PLEKHA1: variants seen among roughly 807,000 people sequenced by gnomAD.
PLEKHA1 encodes the protein pleckstrin homology domain containing A1.
Under a neutral mutation model 52.0 loss-of-function variants are expected in PLEKHA1, and 34 were observed. That is an observed-to-expected ratio of 0.65 (90% CI 0.50 to 0.87). The LOEUF (loss-of-function observed/expected upper bound fraction) is 0.87, where lower values mean the gene tolerates loss of function less well. Among genes scored for constraint, PLEKHA1 ranks in the 40% least tolerant of loss-of-function variants. The pLI is 0.00. For synonymous variants in PLEKHA1, 163 were observed against 170.7 expected (o/e 0.95, Z 0.35); for missense variants, 497 against 504.2 (o/e 0.99, Z 0.14).
intron 1 of PLEKHA1, among the ~76,000 whole-genome samples, chr10:122,382,788 C>A (rs2096632720): frequency 6.6e-6 from 1 of 152,016 alleles, no homozygotes; most frequent in Admixed American, 6.5e-5. Flanking sequence ...TAAATGTTTT[C>A]TTTTATTTTA....
At chr10:122,417,031 C>T (rs2097185677) in intron 7 of PLEKHA1, 1 of 152,886 alleles carries the variant, frequency 6.5e-6, no homozygotes, top group African/African-American at 2.4e-5. Flanking sequence ...ATTTTACACA[C>T]AACTGAGGAT....
At chr10:122,435,183 A>G (rs1182390273), downstream of PLEKHA1, 1 of 152,228 alleles carries the variant, frequency 6.6e-6, no homozygotes, top group Non-Finnish European at 1.5e-5. Flanking sequence ...ATTTGTATCA[A>G]AAATGCAAAG....
chr10:122,403,839 C>T (rs550790804), intron 4 of PLEKHA1, among the ~76,000 whole-genome samples: 1 of 152,114 alleles, frequency 6.6e-6, no homozygotes, highest in Admixed American at 6.5e-5. Flanking sequence ...TTACAGGTGC[C>T]CACCACCACG....
At chr10:122,440,780 G>A in the PLEKHA1 span, 2 of 152,228 alleles carry the variant, frequency 1.3e-5, no homozygotes, top group African/African-American at 4.8e-5. Context: ...GCTCTTTGTT[G>A]ATTAGATTGG....
rs1274127636 is a variant in PLEKHA1, at chr10:122,430,644, C to G, written c.*706C>G. ...GCCTTGGAGCAGTCACTGCTTTATT[C>G]CGCAAAAATTATTTGGTAGGAAATT... On this transcript the variant is annotated 3_prime_UTR_variant, in exon 12 of 12. Transcript: ENST00000368990. The G allele has an allele frequency of 4.6e-5, 7 of 152,160 alleles. No individual in the cohort carries two copies. Among genetic ancestry groups the G allele is most frequent in the Non-Finnish European group, 1.5e-5 (1 of 68,030 alleles). 9.4% of individuals were successfully genotyped at this position (152,160 alleles called of 1,614,324 possible).
intron 5 of PLEKHA1, among the ~76,000 whole-genome samples, chr10:122,410,845 T>C (rs935531192): frequency 4.6e-5 from 7 of 152,212 alleles, no homozygotes; most frequent in Non-Finnish European, 8.8e-5. Flanking sequence ...AGTTTTCTTA[T>C]GGGTCACCTC....
At chr10:122,420,194 CAAA>C (rs1565300475) in intron 8 of PLEKHA1, 1 of 152,104 alleles carries the variant, frequency 6.6e-6, no homozygotes, top group Admixed American at 6.5e-5. Flanking sequence ...GGCTCCAAGT[CAAA>C]AAGTGATTCA....
chr10:122,376,852 CATTCA>C (rs2096545488), intron 1 of PLEKHA1, among the ~76,000 whole-genome samples: 1 of 152,142 alleles, frequency 6.6e-6, no homozygotes, highest in Non-Finnish European at 1.5e-5. Context: ...CTTTAAAAGT[CATTCA>C]AGTATCGTTT....
At chr10:122,409,794 T>C (rs977606498) in intron 5 of PLEKHA1, among the ~76,000 whole-genome samples, 1 of 151,882 alleles carries the variant, frequency 6.6e-6, no homozygotes, top group African/African-American at 2.4e-5. Context: ...CTTTTTTTTT[T>C]TTTTGAGACA....
intron 6 of PLEKHA1, 36 bp from the exon 7 acceptor site, chr10:122,415,819 ACAAG>A (rs2097167102): frequency 1.3e-6 from 2 of 1,558,408 alleles, no homozygotes; most frequent in African/African-American, 2.7e-5. Context: ...AGTATGCTAA[ACAAG>A]CAAGAAAATA....
At chr10:122,403,618 G>A (rs1421145243) in intron 4 of PLEKHA1, among the ~76,000 whole-genome samples, 1 of 146,900 alleles carries the variant, frequency 6.8e-6, no homozygotes, top group Non-Finnish European at 1.5e-5. Context: ...TTTTTTTATT[G>A]TTCAAAGATT....
At position 122,379,537 on chromosome 10, in the gene PLEKHA1, C is replaced by G. The variant is rs2096585972; in HGVS notation, c.-21+4731C>G. ...CTTCATGAGTGATTTCTGTTAGAGG[C>G]CCCTGCCACTGTTTTGGTGAAGACC... On this transcript the variant is annotated intron_variant, in intron 1 of 11. Transcript: ENST00000368990. 2.0e-5 allele frequency among the ~76,000 whole-genome samples: 3 copies of G among 152,208 alleles called. No individual in the cohort carries two copies. In the South Asian group the frequency reaches 6.2e-4, roughly 31 times the overall value.
intron 8 of PLEKHA1, chr10:122,423,383 C>G (rs2097289921): frequency 6.7e-6 from 1 of 149,118 alleles, no homozygotes; most frequent in Non-Finnish European, 1.5e-5. Flanking sequence ...CAAGATCGTA[C>G]CATTGCACTC....
At chr10:122,415,630 A>G (rs1384238319) in intron 6 of PLEKHA1, among the ~76,000 whole-genome samples, 1 of 152,208 alleles carries the variant, frequency 6.6e-6, no homozygotes, top group East Asian at 1.9e-4. Flanking sequence ...TCCTTCCCCA[A>G]AAAAGAGCAC....
chr10:122,383,332 T>C (rs1436277617), intron 1 of PLEKHA1, among the ~76,000 whole-genome samples: 1 of 150,546 alleles, frequency 6.6e-6, no homozygotes, highest in Non-Finnish European at 1.5e-5. Flanking sequence ...TTTTCTTTTT[T>C]TTTTTTAGAA....
chr10:122,426,019 C>T (rs1043017679), intron 10 of PLEKHA1, among the ~76,000 whole-genome samples: 5 of 152,148 alleles, frequency 3.3e-5, no homozygotes, highest in Non-Finnish European at 7.4e-5. Context: ...GCACCATACT[C>T]CATTGATGTT....
At chr10:122,426,114 C>T (rs1277787377) in intron 10 of PLEKHA1, among the ~76,000 whole-genome samples, 2 of 152,122 alleles carry the variant, frequency 1.3e-5, no homozygotes, top group Admixed American at 6.6e-5. Flanking sequence ...TGTACATTTA[C>T]TGTAATAAAA....
chr10:122,402,919 G>T (rs1261063152), intron 4 of PLEKHA1, among the ~76,000 whole-genome samples: 1 of 152,220 alleles, frequency 6.6e-6, no homozygotes, highest in Non-Finnish European at 1.5e-5. Flanking sequence ...AGGTGAGTAA[G>T]ATCTGACTAC....
intron 4 of PLEKHA1, among the ~76,000 whole-genome samples, chr10:122,405,272 A>G (rs984965405): frequency 6.6e-6 from 1 of 152,196 alleles, no homozygotes; most frequent in African/African-American, 2.4e-5. Context: ...TCTAGATGAT[A>G]TGAAATCTGG....
Sources: allele counts gnomAD v4.1 joint callset (sites outside exome capture counted in the v4.1 genomes callset), GRCh38; gene constraint gnomAD v4.1.1; transcripts MANE v1.5; gene names NCBI Gene and HGNC (gene_info 2026-07-23, HGNC 2026-07-21).